The following MARCHF8 variants were observed in gnomAD, a reference collection of about 807,000 sequenced individuals.
MARCHF8 encodes membrane associated ring-CH-type finger 8, also known as E3 ubiquitin-protein ligase MARCHF8.
MARCHF8 carries 40 observed loss-of-function variants against 51.6 expected under a neutral mutation model. The observed-to-expected ratio is 0.77, with a 90% CI of 0.60 to 1.01. The LOEUF (loss-of-function observed/expected upper bound fraction) is 1.01, where lower values mean the gene tolerates loss of function less well. Ranked by LOEUF, MARCHF8 falls within the 50% of genes least tolerant of loss-of-function variation. MARCHF8 has a pLI of 0.00. For missense variants in MARCHF8, 685 were observed against 708.6 expected (o/e 0.97, Z 0.38); for synonymous variants, 263 against 280.3 (o/e 0.94, Z 0.62).
At chr10:45,579,087 C>A (rs546187117) in intron 1 of MARCHF8, among the ~76,000 whole-genome samples, 111 of 152,252 alleles carry the variant, frequency 7.3e-4, no homozygotes, top group African/African-American at 2.4e-3. Context: ...TTCTTGACTG[C>A]TAATTTTACT....
chr10:45,531,175 G>A (rs2043877847), intron 2 of MARCHF8, among the ~76,000 whole-genome samples: 1 of 152,142 alleles, frequency 6.6e-6, no homozygotes, highest in Admixed American at 6.5e-5. Context: ...AGTCCCCAAA[G>A]AAAGAATGGG....
intron 2 of MARCHF8, among the ~76,000 whole-genome samples, chr10:45,519,137 G>A (rs1255235238): frequency 6.6e-6 from 1 of 152,146 alleles, no homozygotes; most frequent in African/African-American, 2.4e-5. Context: ...AAAATTTAAA[G>A]TGCCATTCGT....
Position 45,463,553 on chromosome 10 carries a change from G to A in MARCHF8, c.686C>T (p.Ser229Leu). ...SCLSAGRSTA[S>L]EVEAGKGGRP... ...GCCCCCCTTGCCAGCTTCCACCTCT[G>A]AGGCAGTTGAGCGACCGGCAGAAAG... The change falls in exon 5 of 8, where the codon TCA (serine) becomes TTA (leucine). Residue 229 changes from serine to leucine, a missense_variant. Ser to Leu is a moderately radical substitution (Grantham distance 145). Coordinates refer to ENST00000453424, the MANE Select transcript of MARCHF8 (RefSeq NM_001282866.2). 1 of 1,550,664 alleles carries A rather than the reference G, an allele frequency of 6.4e-7. No homozygotes were observed. Among genetic ancestry groups the A allele is most frequent in the Non-Finnish European group, 8.7e-7 (1 of 1,147,018 alleles).
chr10:45,572,970 C>T (rs1004459043), intron 1 of MARCHF8, among the ~76,000 whole-genome samples: 6 of 152,160 alleles, frequency 3.9e-5, no homozygotes, highest in African/African-American at 1.2e-4. Context: ...TTTCGTTCTG[C>T]GACTGGCCCT....
At position 45,454,634 on chromosome 10, in the gene MARCHF8, A is replaced by G. The variant is rs1842551236; in HGVS notation, c.*3605T>C. ...GCTGCAATTAGACATCCCAGTGTAT[A>G]GCACAAACCCCCCTGTACAGAGAAT... On this transcript the variant is annotated 3_prime_UTR_variant, in exon 8 of 8. Transcript: ENST00000453424. 1.3e-5 allele frequency: 2 copies of G among 152,240 alleles called. No individual in the cohort carries two copies. The allele number at this position is 152,240 out of a possible 1,614,324, so 9.4% of individuals were successfully genotyped here. A position where few individuals can be genotyped will look rare whatever the true frequency, so the allele number is the denominator to read the frequency against.
At chr10:45,475,404 C>G (rs569547882) in intron 3 of MARCHF8, among the ~76,000 whole-genome samples, 14 of 140,114 alleles carry the variant, frequency 1.0e-4, no homozygotes, top group African/African-American at 3.3e-4. Flanking sequence ...GAATGCATCC[C>G]CGGGGGGGGC....
intron 1 of MARCHF8, among the ~76,000 whole-genome samples, chr10:45,583,884 C>T (rs1487795785): frequency 6.6e-6 from 1 of 150,838 alleles, no homozygotes; most frequent in Non-Finnish European, 1.5e-5. Context: ...CACGCGCCTG[C>T]AATCCCAGCT....
At chr10:45,527,890 A>G (rs2043818174) in intron 2 of MARCHF8, among the ~76,000 whole-genome samples, 1 of 152,198 alleles carries the variant, frequency 6.6e-6, no homozygotes. Context: ...GCACATCAAA[A>G]AACATGGTAC....
At chr10:45,539,357 G>C (rs2044018717), upstream of MARCHF8, among the ~76,000 whole-genome samples, 1 of 152,142 alleles carries the variant, frequency 6.6e-6, no homozygotes, top group African/African-American at 2.4e-5. Context: ...ATGCCCACAA[G>C]AGAAAGCAGG....
At chr10:45,571,396 C>A (rs1319575220) in intron 1 of MARCHF8, among the ~76,000 whole-genome samples, 1 of 152,126 alleles carries the variant, frequency 6.6e-6, no homozygotes, top group Non-Finnish European at 1.5e-5. Flanking sequence ...CACCAAAGAA[C>A]AACCCCCTTT....
At chr10:45,537,400 A>ACCAG (rs768181768), upstream of MARCHF8, among the ~76,000 whole-genome samples, 5 of 152,128 alleles carry the variant, frequency 3.3e-5, no homozygotes, top group Non-Finnish European at 7.4e-5. Context: ...CGCCTATAAC[A>ACCAG]CCAGCACTTT....
chr10:45,549,082 T>C (rs1421672886), intron 1 of MARCHF8, among the ~76,000 whole-genome samples: 7 of 151,884 alleles, frequency 4.6e-5, no homozygotes, highest in Admixed American at 4.6e-4. Flanking sequence ...CAGAGAACAG[T>C]GTCTGATCCC....
At chr10:45,507,833 A>T (rs2133176904) in intron 2 of MARCHF8, among the ~76,000 whole-genome samples, 1 of 150,696 alleles carries the variant, frequency 6.6e-6, no homozygotes, top group South Asian at 2.1e-4. Flanking sequence ...AAAAGATTTT[A>T]TAAAAGTGCT....
chr10:45,584,325 CAT>C (rs970283783), intron 1 of MARCHF8, among the ~76,000 whole-genome samples: 51 of 151,528 alleles, frequency 3.4e-4, no homozygotes, highest in Middle Eastern at 6.8e-3. Flanking sequence ...GAAAATCTCA[CAT>C]GTTAGAGAAT....
intron 3 of MARCHF8, among the ~76,000 whole-genome samples, chr10:45,479,450 C>T (rs1014963422): frequency 1.3e-5 from 2 of 152,088 alleles, no homozygotes; most frequent in African/African-American, 2.4e-5. Context: ...GATAAGAATG[C>T]CCGCTGATAT....
chr10:45,566,971 A>G (rs1352163928), intron 1 of MARCHF8, among the ~76,000 whole-genome samples: 1 of 152,106 alleles, frequency 6.6e-6, no homozygotes, highest in Non-Finnish European at 1.5e-5. Context: ...TTTGGATATG[A>G]CATATTAATT....
intron 2 of MARCHF8, among the ~76,000 whole-genome samples, chr10:45,504,366 C>T (rs914168573): frequency 6.6e-6 from 1 of 152,212 alleles, no homozygotes; most frequent in South Asian, 2.1e-4. Context: ...ATCGCTTGAA[C>T]CTGGGAGGCG....
At chr10:45,537,310 A>C (rs557207115), upstream of MARCHF8, among the ~76,000 whole-genome samples, 2 of 152,072 alleles carry the variant, frequency 1.3e-5, no homozygotes, top group South Asian at 4.1e-4. Flanking sequence ...AGCAATAAAA[A>C]GAAATAAAGT....
At chr10:45,542,287 T>C (rs1420465028) in intron 1 of MARCHF8, among the ~76,000 whole-genome samples, 1 of 138,022 alleles carries the variant, frequency 7.2e-6, no homozygotes, top group East Asian at 2.1e-4. Context: ...GCGAAGCTTG[T>C]AGTGAGCCGA....
Sources: gnomAD v4.1 joint callset for allele counts (sites outside exome capture counted in the v4.1 genomes callset) on GRCh38, gnomAD v4.1.1 for gene constraint, MANE v1.5 for transcripts, NCBI Gene and HGNC (gene_info 2026-07-23, HGNC 2026-07-21) for gene names.